NCKIPSD: variants seen among roughly 807,000 people sequenced by gnomAD.
NCKIPSD encodes NCK interacting protein with SH3 domain, also known as NCK-interacting protein with SH3 domain.
A neutral mutation model predicts 73.4 loss-of-function variants in NCKIPSD; 48 were observed. The observed-to-expected ratio is 0.65, with a 90% CI of 0.52 to 0.83. NCKIPSD has a LOEUF of 0.83. Among genes scored for constraint, NCKIPSD ranks in the 40% least tolerant of loss-of-function variants. The probability of loss-of-function intolerance (pLI) is 0.00; values close to 1 mark genes in which losing one functional copy is unlikely to be tolerated. For missense variants in NCKIPSD, 884 were observed against 970.2 expected (o/e 0.91, Z 1.18); for synonymous variants, 422 against 403.6 (o/e 1.05, Z -0.54).
intron 9 of NCKIPSD, 48 bp downstream of exon 9, chr3:48,679,329 G>A (rs748328119): frequency 1.2e-6 from 2 of 1,612,752 alleles, no homozygotes; most frequent in Non-Finnish European, 1.7e-6. Context: ...CGGGCAATGG[G>A]CCCTGGCTTA....
At position 48,680,120 on chromosome 3, in the gene NCKIPSD, C is replaced by T. The variant is rs1455203676; in HGVS notation, c.1202G>A (p.Trp401Ter). 1.2e-6 allele frequency: 2 copies of T among 1,614,014 alleles called. No individual in the cohort carries two copies. The highest frequency in any genetic ancestry group is 1.7e-6 in the Non-Finnish European group (2 of 1,180,026). The change falls in exon 6 of 13, where the codon TGG (tryptophan) becomes TAG (stop). Residue 401 changes from tryptophan (W) to a stop codon, truncating the protein, a stop_gained. Transcript: ENST00000294129. LOFTEE classifies it high-confidence loss of function. ...GACACCCTCATCCTCATATAGTGCC[C>T]AACTGCGCTGCTGGGCGTCGTCCTT... is the stretch of plus-strand genomic sequence containing the variant. The part of the protein sequence containing the change: ...RRKDDAQQRS[W>*]ALYEDEGVIR...
At position 48,679,576 on chromosome 3, in the gene NCKIPSD, C is replaced by G. The variant is rs768233160; in HGVS notation, c.1488G>C (p.Gln496His). Residue 496 changes from glutamine (Q) to histidine (H), a missense_variant and splice_region_variant, in exon 8 of 13, where the codon CAG becomes CAC. Transcript: ENST00000294129. The stretch of plus-strand genomic sequence containing the variant: ...TCCTACCCCGCCCTCCAGCCTCACC[C>G]TGCGTGTCTGTCTGCATGTCCCTCG... ...ELARDMQTDT[Q>H]DHQKLCYSAL... 1 of 1,614,074 alleles carries G rather than the reference C, an allele frequency of 6.2e-7. No individual in the cohort carries two copies. Among genetic ancestry groups the G allele is most frequent in the Non-Finnish European group, 8.5e-7 (1 of 1,179,936 alleles).
rs1046899002 is a variant in NCKIPSD at position 48,678,814 on chromosome 3, T to C, written c.1792+63A>G. The C allele has an allele frequency of 1.7e-5, 27 of 1,613,128 alleles. 1 individual carries two copies. In the South Asian group the frequency reaches 2.0e-4, roughly 12 times the overall value. On this transcript the variant is annotated intron_variant, in intron 11 of 12. Transcript: ENST00000294129. ...TCACCCCAGGGGGTTACGGGAGTCA[T>C]TGCAGGGGTCATGGAGTCACAGGGC...
chr3:48,682,203 C>G, intron 3 of NCKIPSD, 47 bp from the exon 4 acceptor site: 1 of 1,575,598 alleles, frequency 6.3e-7, no homozygotes, highest in Non-Finnish European at 8.6e-7. Context: ...ACATCTAGAG[C>G]GTCAGCGAGG....
intron 12 of NCKIPSD, 127 bp from the exon 13 acceptor site, chr3:48,674,874 G>T: frequency 1.1e-6 from 1 of 882,910 alleles, no homozygotes; most frequent in Non-Finnish European, 1.8e-6. Context: ...TGCATCCCCA[G>T]CACCCACAAT....
chr3:48,681,126 C>T, intron 5 of NCKIPSD, 161 bp downstream of exon 5: 1 of 1,150,324 alleles, frequency 8.7e-7, no homozygotes, highest in Non-Finnish European at 1.2e-6. Flanking sequence ...GCTTGTCCTT[C>T]CTTTCTGCTT....
In NCKIPSD at chr3:48,679,556, C is replaced by A. The variant is rs745639122; in HGVS notation, c.1489+19G>T. The A allele has an allele frequency of 1.9e-6, 3 of 1,613,106 alleles. No homozygotes were observed. The South Asian group carries it at 3.3e-5, about 18-fold the overall frequency. On this transcript the variant is annotated intron_variant, in intron 8 of 12. Transcript: ENST00000294129. ...CCAGATAGCAGGAAGTTCCCTCCTA[C>A]CCCGCCCTCCAGCCTCACCCTGCGT...
intron 12 of NCKIPSD, among the ~76,000 whole-genome samples, chr3:48,677,149 G>A (rs1020424301): frequency 1.3e-5 from 2 of 150,776 alleles, no homozygotes; most frequent in Non-Finnish European, 3.0e-5. Context: ...AACACTTTGG[G>A]AGGCTGAGGC....
At chr3:48,679,932 C>G in intron 6 of NCKIPSD, 45 bp from the exon 7 acceptor site, 1 of 1,611,930 alleles carries the variant, frequency 6.2e-7, no homozygotes, top group South Asian at 1.1e-5. Flanking sequence ...ATGAGCGGAG[C>G]TGTGCAGCCG....
At position 48,679,125 on chromosome 3, in the gene NCKIPSD, G is replaced by A. The variant is rs1304326527; in HGVS notation, c.1629C>T (p.Pro543=). ...CCGGCAGCTGCTCTGTGGTGTCCAA[G>A]GGCAGCCCATCCTCGACGATGTTCA... ...FLLNIVEDGL[P]LDTTEQLPDL... is the part of the protein sequence containing the mutation. The change falls in exon 10 of 13, where the codon CCC becomes CCT. Residue 543 remains proline (P), a synonymous_variant. Coordinates refer to ENST00000294129, the MANE Select transcript of NCKIPSD (RefSeq NM_016453.4). The A allele has an allele frequency of 1.9e-6, 3 of 1,614,146 alleles. No homozygotes were observed. The highest frequency in any genetic ancestry group is 1.7e-6 in the Non-Finnish European group (2 of 1,180,026).
In NCKIPSD at chr3:48,685,850, G is replaced by C; in HGVS notation, c.-43C>G. ...GTGCAGGGAAGGTGGCAAGGGCTGCGGCGCCACAACGCCAGGCCGGGAGCG... is the reference window on the plus strand; with the variant it reads ...GTGCAGGGAAGGTGGCAAGGGCTGCCGCGCCACAACGCCAGGCCGGGAGCG... On this transcript the variant is annotated 5_prime_UTR_variant, in exon 1 of 13. Coordinates refer to ENST00000294129, the MANE Select transcript of NCKIPSD (RefSeq NM_016453.4). The C allele has an allele frequency of 2.9e-6, 4 of 1,366,820 alleles. No homozygotes were observed. The highest frequency in any genetic ancestry group is 1.7e-5 in the South Asian group (1 of 59,514). 84.7% of individuals were successfully genotyped at this position (1,366,820 alleles called of 1,614,324 possible).
rs772724816 is a variant in NCKIPSD at position 48,678,707 on chromosome 3, G to A, written c.1822C>T (p.Pro608Ser). 1 of 1,614,034 alleles carries A rather than the reference G, an allele frequency of 6.2e-7. No individual in the cohort carries two copies. Among genetic ancestry groups the A allele is most frequent in the Non-Finnish European group, 8.5e-7 (1 of 1,179,952 alleles). ...DDPVRIFKHEPQPPHSVLKFL... is the reference protein window; with the variant it reads ...DDPVRIFKHESQPPHSVLKFL... ...TTGAGGACAGAGTGTGGTGGCTGTG[G>A]CTCATGTTTGAAGATGCGCACAGGG... The change falls in exon 12 of 13, where the codon CCA (proline) becomes TCA (serine). Residue 608 changes from proline (P) to serine (S), a missense_variant. Transcript: ENST00000294129.
chr3:48,682,562 G>A lies in NCKIPSD; in HGVS notation c.282-10C>T, dbSNP rs759586561. The A allele has an allele frequency of 3.1e-6, 5 of 1,613,458 alleles. No individual in the cohort carries two copies. The highest frequency in any genetic ancestry group is 3.4e-6 in the Non-Finnish European group (4 of 1,179,538). On this transcript the variant is annotated splice_polypyrimidine_tract_variant and intron_variant, in intron 2 of 12. Coordinates refer to ENST00000294129, the MANE Select transcript of NCKIPSD (RefSeq NM_016453.4). Reference sequence around the variant, plus strand: ...GTGGTGGATCAGCTTCCTGATGGAAGGACAGGAAGACTATTGGGGGGTTGC... The same window carrying A: ...GTGGTGGATCAGCTTCCTGATGGAAAGACAGGAAGACTATTGGGGGGTTGC...
At position 48,674,671 on chromosome 3, in the gene NCKIPSD, G is replaced by A. The variant is rs199533994; in HGVS notation, c.2042C>T (p.Pro681Leu). 7.4e-6 allele frequency: 12 copies of A among 1,614,070 alleles called. No homozygotes were observed. Among genetic ancestry groups the A allele is most frequent in the Non-Finnish European group, 8.5e-7 (1 of 1,179,994 alleles). The change falls in exon 13 of 13, where the codon CCC becomes CTC. Residue 681 changes from proline (P) to leucine (L), a missense_variant. Coordinates refer to ENST00000294129, the MANE Select transcript of NCKIPSD (RefSeq NM_016453.4). ...TPYLQHRHRL[P>L]DLQAILRRIL... Reference sequence around the variant, plus strand: ...GCGTCGCAGTATGGCCTGCAGGTCGGGTAGCCGGTGGCGGTGCTGCAGGTA... The same window carrying A: ...GCGTCGCAGTATGGCCTGCAGGTCGAGTAGCCGGTGGCGGTGCTGCAGGTA...
In NCKIPSD at chr3:48,678,913, A is replaced by T. The variant is rs1229789634; in HGVS notation, c.1756T>A (p.Phe586Ile). The change falls in exon 11 of 13, where the codon TTC becomes ATC. Residue 586 changes from phenylalanine to isoleucine, a missense_variant. Coordinates refer to ENST00000294129, the MANE Select transcript of NCKIPSD (RefSeq NM_016453.4). ...AGGAGCAACAACAGCTTCTCGGAGAAGATCTTGACATTGGCGTGTTTGCTC... is the reference window on the plus strand; with the variant it reads ...AGGAGCAACAACAGCTTCTCGGAGATGATCTTGACATTGGCGTGTTTGCTC... Reference protein sequence around the residue: ...ALSKHANVKIFSEKLLLLLNR... With the variant: ...ALSKHANVKIISEKLLLLLNR... The T allele has an allele frequency of 6.2e-7, 1 of 1,613,990 alleles. No individual in the cohort carries two copies.
At position 48,679,708 on chromosome 3, in the gene NCKIPSD, G is replaced by A; in HGVS notation, c.1356C>T (p.His452=). The change falls in exon 8 of 13, where the codon CAC becomes CAT. Residue 452 remains histidine (H), a synonymous_variant. Coordinates refer to ENST00000294129, the MANE Select transcript of NCKIPSD (RefSeq NM_016453.4). ...GGAGCAGCAGCCGCAGTGATGCTCG[G>A]TGTTCCTGGCAGGGAACCCTGCGTG... is the stretch of plus-strand genomic sequence containing the variant. ...LALVAYYQME[H]RASLRLLLLK... is the part of the protein sequence containing the mutation. 6.2e-7 allele frequency: 1 copy of A among 1,614,150 alleles called. No homozygotes were observed. The highest frequency in any genetic ancestry group is 2.2e-5 in the East Asian group (1 of 44,878).
chr3:48,685,058 T>C (rs1241881895), intron 1 of NCKIPSD, among the ~76,000 whole-genome samples: 1 of 150,828 alleles, frequency 6.6e-6, no homozygotes, highest in Admixed American at 6.6e-5. Context: ...GATGGAGGTG[T>C]CTATGGCTCT....
chr3:48,681,641 C>T lies in NCKIPSD; in HGVS notation c.738G>A (p.Val246=). Residue 246 remains valine, a synonymous_variant, in exon 5 of 13, where the codon GTG becomes GTA. Coordinates refer to ENST00000294129, the MANE Select transcript of NCKIPSD (RefSeq NM_016453.4). ...GSSCSPTPPP[V]PRRGTHTTVS... ...CGGTGGTGTGGGTGCCTCGGCGGGG[C>T]ACAGGTGGGGGTGTGGGTGAGCAGC... 6.2e-7 allele frequency: 1 copy of T among 1,612,412 alleles called. No individual in the cohort carries two copies. Among genetic ancestry groups the T allele is most frequent in the Non-Finnish European group, 8.5e-7 (1 of 1,179,234 alleles).
Position 48,679,603 on chromosome 3 carries a change from C to G in NCKIPSD, c.1461G>C (p.Leu487=), listed in dbSNP as rs1386089134. Residue 487 remains leucine (L), a synonymous_variant, in exon 8 of 13, where the codon CTG becomes CTC. Coordinates refer to ENST00000294129, the MANE Select transcript of NCKIPSD (RefSeq NM_016453.4). ...GCGTGTCTGTCTGCATGTCCCTCGC[C>G]AGCTCTACAGGCAGCACGGATGACA... is the stretch of plus-strand genomic sequence containing the variant. ...TLVSSVLPVE[L]ARDMQTDTQD... The G allele has an allele frequency of 1.9e-6, 3 of 1,614,084 alleles. No individual in the cohort carries two copies. Among genetic ancestry groups the G allele is most frequent in the Non-Finnish European group, 2.5e-6 (3 of 1,180,042 alleles).
Sources: gnomAD v4.1 joint callset for allele counts (sites outside exome capture counted in the v4.1 genomes callset) on GRCh38, gnomAD v4.1.1 for gene constraint, MANE v1.5 for transcripts, NCBI Gene and HGNC (gene_info 2026-07-23, HGNC 2026-07-21) for gene names.